LAP3: variants seen among roughly 807,000 people sequenced by gnomAD.
The protein encoded by LAP3 is leucine aminopeptidase 3.
A neutral mutation model predicts 58.8 loss-of-function variants in LAP3; 46 were observed. The observed-to-expected ratio is 0.78, with a 90% CI of 0.62 to 1.00. LAP3 has a LOEUF of 1.00. Among genes scored for constraint, LAP3 ranks in the 50% least tolerant of loss-of-function variants. LAP3 has a pLI of 0.00. For synonymous variants in LAP3, 257 were observed against 237.7 expected, an observed-to-expected ratio of 1.08 and a Z score of -0.75; for missense variants, 615 against 659.1, an observed-to-expected ratio of 0.93 and a Z score of 0.73.
At chr4:17,583,737 C>T (rs1713427616) in intron 5 of LAP3, 95 bp downstream of exon 5, 2 of 1,385,864 alleles carry the variant, frequency 1.4e-6, no homozygotes, top group South Asian at 1.3e-5. Flanking sequence ...GCGCCACCCA[C>T]AGCTGCGTGG....
At chr4:17,583,885 G>A (rs1297717590) in intron 5 of LAP3, among the ~76,000 whole-genome samples, 2 of 152,196 alleles carry the variant, frequency 1.3e-5, no homozygotes, top group African/African-American at 2.4e-5. Context: ...TTACAAGGAA[G>A]CCATAACCAG....
At chr4:17,589,696 C>T (rs1441675393) in intron 7 of LAP3, among the ~76,000 whole-genome samples, 2 of 151,280 alleles carry the variant, frequency 1.3e-5, no homozygotes, top group African/African-American at 2.4e-5. Flanking sequence ...CTGTCTCAAG[C>T]AATCCTCCCA....
In LAP3 at chr4:17,583,618, C is replaced by T. The variant is rs781320025; in HGVS notation, c.515C>T (p.Ala172Val). 2 of 1,614,032 alleles carry T rather than the reference C, an allele frequency of 1.2e-6. No individual in the cohort carries two copies. Among genetic ancestry groups the T allele is most frequent in the Admixed American group, 3.3e-5 (2 of 60,010 alleles). The change falls in exon 5 of 13, where the codon GCT (alanine) becomes GTT (valine). Residue 172 changes from alanine to valine, a missense_variant. Coordinates refer to ENST00000226299, the MANE Select transcript of LAP3 (RefSeq NM_015907.3). ...GACCTAAAGCAAAAAAAGAAGATGGCTGTGTCGGCAAAGCTCTATGGAAGG... is the reference window on the plus strand; with the variant it reads ...GACCTAAAGCAAAAAAAGAAGATGGTTGTGTCGGCAAAGCTCTATGGAAGG... ...YDDLKQKKKM[A>V]VSAKLYGSGD...
In LAP3 at chr4:17,579,948, T is replaced by G; in HGVS notation, c.218+9T>G. 6.7e-7 allele frequency: 1 copy of G among 1,495,012 alleles called. No individual in the cohort carries two copies. Among genetic ancestry groups the G allele is most frequent in the Non-Finnish European group, 9.3e-7 (1 of 1,077,840 alleles). The allele number at this position is 1,495,012 out of a possible 1,614,324, so 92.6% of individuals were successfully genotyped here. The stretch of plus-strand genomic sequence containing the variant: ...AGAGAGACTTTGAACATGTAAGTGT[T>G]GCTTGTGGGCTCTAGTTCTTAAAGT... On this transcript the variant is annotated intron_variant, in intron 2 of 12. Coordinates refer to ENST00000226299, the MANE Select transcript of LAP3 (RefSeq NM_015907.3).
intron 3 of LAP3, 132 bp downstream of exon 3, chr4:17,581,946 T>C (rs140279554): frequency 3.7e-6 from 3 of 800,350 alleles, no homozygotes; most frequent in East Asian, 2.5e-5. Flanking sequence ...AAGCAGAACA[T>C]TTAAGATTAA....
chr4:17,607,074 T>TAA (rs748515217), intron 12 of LAP3, 136 bp downstream of exon 12: 4 of 587,724 alleles, frequency 6.8e-6, no homozygotes, highest in African/African-American at 1.9e-5. Flanking sequence ...AGATTTTTAA[T>TAA]GTCTTGAATT....
rs369239348 is a variant in LAP3, at chr4:17,596,736, T to C, written c.989-310T>C. On this transcript the variant is annotated intron_variant, in intron 8 of 12. Transcript: ENST00000226299. ...ATTCTAGACCCTATTCCTGTTTTCT[T>C]CCACGGCATTAGCAGTTTTGAAGGG... 2.8e-4 allele frequency among the ~76,000 whole-genome samples: 42 copies of C among 152,358 alleles called. No individual in the cohort carries two copies. The East Asian group carries it at 6.9e-3, about 25-fold the overall frequency.
intron 2 of LAP3, among the ~76,000 whole-genome samples, chr4:17,580,167 T>TATATATATATATATATATATATATATAC (rs1560340829): frequency 1.5e-5 from 1 of 65,034 alleles, no homozygotes; most frequent in African/African-American, 8.5e-5. Flanking sequence ...CCGGCTTTCA[T>TATATATATATATATATATATATATATAC]ATATATATAT....
chr4:17,604,912 TC>T (rs943233970), intron 11 of LAP3, among the ~76,000 whole-genome samples: 3 of 152,234 alleles, frequency 2.0e-5, no homozygotes, highest in Middle Eastern at 3.4e-3. Context: ...TGAAAATATC[TC>T]ACGAACACTG....
At chr4:17,589,063 ATTT>A (rs35467396) in intron 7 of LAP3, 86 bp downstream of exon 7, 1,628 of 1,070,978 alleles carry the variant, frequency 1.5e-3, no homozygotes, top group Admixed American at 1.7e-3. Context: ...TTTTGGTTTG[ATTT>A]TTTTTTTTTT....
At chr4:17,582,447 CCT>C in intron 4 of LAP3, 54 bp downstream of exon 4, 1 of 1,342,506 alleles carries the variant, frequency 7.4e-7, no homozygotes, top group Non-Finnish European at 1.0e-6. Context: ...TTTTTGATGA[CCT>C]CTCTTTCCCC....
chr4:17,580,602 A>G (rs1484897415), intron 2 of LAP3, among the ~76,000 whole-genome samples: 2 of 152,068 alleles, frequency 1.3e-5, no homozygotes, highest in Non-Finnish European at 2.9e-5. Context: ...CCTTCCCACC[A>G]GCCTCTCTAC....
rs377308592 is a variant in LAP3 at position 17,588,996 on chromosome 4, G to A, written c.863+19G>A. 18 of 1,605,162 alleles carry A rather than the reference G, an allele frequency of 1.1e-5. No homozygotes were observed. The South Asian group carries it at 1.2e-4, about 11-fold the overall frequency. On this transcript the variant is annotated intron_variant, in intron 7 of 12. Transcript: ENST00000226299. ...TTGACAGGTATTTTTTATGGTGTCC[G>A]TGCTTTGTATTTTGGTGAATTATTT...
At chr4:17,607,234 C>T (rs1714163844) in intron 12 of LAP3, among the ~76,000 whole-genome samples, 166 bp from the exon 13 acceptor site, 1 of 152,162 alleles carries the variant, frequency 6.6e-6, no homozygotes, top group South Asian at 2.1e-4. Flanking sequence ...CTGCTTAAAG[C>T]AATATCTGAA....
At chr4:17,588,201 C>CT (rs11333479) in intron 6 of LAP3, among the ~76,000 whole-genome samples, 41 of 148,210 alleles carry the variant, frequency 2.8e-4, no homozygotes, top group South Asian at 1.5e-3. Context: ...CTAATTTTTT[C>CT]TTTTTTTTTT....
chr4:17,589,632 A>T (rs568081663), intron 7 of LAP3, among the ~76,000 whole-genome samples: 11 of 151,550 alleles, frequency 7.3e-5, no homozygotes, highest in East Asian at 2.0e-4. Context: ...TCCTTTTTTT[A>T]AAAAAAATAT....
At position 17,577,507 on chromosome 4, in the gene LAP3, C is replaced by T. The variant is rs758342670; in HGVS notation, c.42C>T (p.Val14=). ...LPLPAAGRVV[V]RRLAVRRFGS... is the part of the protein sequence containing the mutation. ...TTCCGGCTGCGGGGCGAGTAGTCGT[C>T]CGACGTCTGGCCGTGAGACGTTTCG... Residue 14 remains valine, a synonymous_variant, in exon 1 of 13, where the codon GTC becomes GTT. Transcript: ENST00000226299. The T allele has an allele frequency of 1.2e-5, 19 of 1,586,924 alleles. No individual in the cohort carries two copies. The highest frequency in any genetic ancestry group is 1.6e-5 in the Non-Finnish European group (19 of 1,168,468).
intron 8 of LAP3, among the ~76,000 whole-genome samples, chr4:17,596,056 T>C (rs1159244557): frequency 1.3e-5 from 2 of 150,954 alleles, no homozygotes. Flanking sequence ...GAGGAGAGAG[T>C]CTTAGGTTAA....
At position 17,607,734 on chromosome 4, in the gene LAP3, A is replaced by AT. The variant is rs989520585; in HGVS notation, c.*154dup. On this transcript the variant is annotated 3_prime_UTR_variant, in exon 13 of 13. Coordinates refer to ENST00000226299, the MANE Select transcript of LAP3 (RefSeq NM_015907.3). ...AACACAATGAAATTTGTATGCCTTGATTTTTTTTTCATTTCACACAAAGAT... is the reference window on the plus strand; with the variant it reads ...AACACAATGAAATTTGTATGCCTTGATTTTTTTTTTCATTTCACACAAAGAT... The AT allele has an allele frequency of 5.3e-4, 305 of 577,512 alleles. No homozygotes were observed. Among genetic ancestry groups the AT allele is most frequent in the Middle Eastern group, 1.5e-3 (3 of 2,046 alleles). The allele number at this position is 577,512 out of a possible 1,614,324, so 35.8% of individuals were successfully genotyped here.
Sources: allele counts gnomAD v4.1 joint callset (sites outside exome capture counted in the v4.1 genomes callset), GRCh38; gene constraint gnomAD v4.1.1; transcripts MANE v1.5; gene names NCBI Gene and HGNC (gene_info 2026-07-23, HGNC 2026-07-21).